SV2B: variants seen among roughly 807,000 people sequenced by gnomAD.
The protein encoded by SV2B is synaptic vesicle glycoprotein 2B, also known as solute carrier family 22 member B2.
SV2B carries 41 observed loss-of-function variants against 73.9 expected under a neutral mutation model. That is an observed-to-expected ratio of 0.56 (90% CI 0.43 to 0.72). The LOEUF is 0.72. Ranked by LOEUF, SV2B falls within the 30% of genes least tolerant of loss-of-function variation. SV2B has a pLI of 0.00. For synonymous variants in SV2B, 314 were observed against 314.2 expected (o/e 1.00, Z 0.01); for missense variants, 764 against 857.8 (o/e 0.89, Z 1.37).
intron 1 of SV2B, among the ~76,000 whole-genome samples, chr15:91,150,719 T>C (rs2043289460): frequency 6.6e-6 from 1 of 152,196 alleles, no homozygotes; most frequent in South Asian, 2.1e-4. Flanking sequence ...GTCCTGGGAA[T>C]TTAGTTCTGA....
At position 91,252,022 on chromosome 15, in the gene SV2B, C is replaced by G. The variant is rs1449281627; in HGVS notation, c.632+23C>G. 4.3e-6 allele frequency: 7 copies of G among 1,611,912 alleles called. No homozygotes were observed. In the East Asian group the frequency reaches 1.1e-4, roughly 26 times the overall value. Reference sequence around the variant, plus strand: ...CGGGTATGTTCTTAGGGAGGTGGAGCTGGACCATCCCAGACCAATGGCCCA... The same window carrying G: ...CGGGTATGTTCTTAGGGAGGTGGAGGTGGACCATCCCAGACCAATGGCCCA... On this transcript the variant is annotated intron_variant, in intron 3 of 12. Coordinates refer to ENST00000394232, the MANE Select transcript of SV2B (RefSeq NM_001323032.3). The surrounding 1 kb of genome is among the most constrained non-coding windows in gnomAD (Gnocchi z 4.6).
At position 91,231,645 on chromosome 15, in the gene SV2B, A is replaced by G. The variant is rs1321169719; in HGVS notation, c.451+4931A>G. 3.9e-5 allele frequency among the ~76,000 whole-genome samples: 6 copies of G among 152,310 alleles called. No homozygotes were observed. The East Asian group carries it at 1.2e-3, about 29-fold the overall frequency. On this transcript the variant is annotated intron_variant, in intron 2 of 12. Transcript: ENST00000394232. The surrounding 1 kb of genome is among the most constrained non-coding windows in gnomAD (Gnocchi z 4.5). ...CACCAATTTTTCACAACTGCAAATA[A>G]GCACCTCAACCTGGAACTGTGGGCT...
At chr15:91,244,398 C>A (rs1189616979) in intron 2 of SV2B, among the ~76,000 whole-genome samples, 1 of 152,204 alleles carries the variant, frequency 6.6e-6, no homozygotes, top group Non-Finnish European at 1.5e-5. Context: ...TCTGAAGATT[C>A]CTTCACTTGA....
intron 1 of SV2B, among the ~76,000 whole-genome samples, chr15:91,150,091 C>G (rs1216943730): frequency 6.6e-6 from 1 of 152,160 alleles, no homozygotes; most frequent in African/African-American, 2.4e-5. Context: ...GCAACCTCCA[C>G]CTTCCAGGTT....
chr15:91,100,217 C>A (rs1342893039), upstream of SV2B: 4 of 152,028 alleles, frequency 2.6e-5, no homozygotes, highest in Non-Finnish European at 4.4e-5. This position sits in a 1 kb window ranked among gnomAD's most constrained non-coding sequence, Gnocchi z 6.4. Context: ...GCGGCGTGGG[C>A]GCGGTGATGC....
At chr15:91,158,633 C>CCTTTTCCCTTCCCTTCTCTT (rs767357230) in intron 1 of SV2B, among the ~76,000 whole-genome samples, 2 of 54,408 alleles carry the variant, frequency 3.7e-5, no homozygotes, top group African/African-American at 6.9e-5. Flanking sequence ...TTTTATTTTC[C>CCTTTTCCCTTCCCTTCTCTT]CTCTTCTCTT....
chr15:91,245,030 A>G lies in SV2B; in HGVS notation c.452-6789A>G, dbSNP rs1416633308. Among the ~76,000 whole-genome samples, 1 of 152,264 alleles carries G rather than the reference A, an allele frequency of 6.6e-6. No individual in the cohort carries two copies. Among genetic ancestry groups the G allele is most frequent in the Non-Finnish European group, 1.5e-5 (1 of 68,046 alleles). Reference sequence around the variant, plus strand: ...ATTTGTCTTTGGTTAATTGCTAAATAAAGAAGCTCACCCAGTCAGGGCCTC... The same window carrying G: ...ATTTGTCTTTGGTTAATTGCTAAATGAAGAAGCTCACCCAGTCAGGGCCTC... On this transcript the variant is annotated intron_variant, in intron 2 of 12. Transcript: ENST00000394232. The surrounding 1 kb of genome is among the most constrained non-coding windows in gnomAD (Gnocchi z 4.2).
At chr15:91,158,726 CTCT>C (rs2043602183) in intron 1 of SV2B, among the ~76,000 whole-genome samples, 1 of 102,964 alleles carries the variant, frequency 9.7e-6, no homozygotes, top group Admixed American at 1.0e-4. Flanking sequence ...CTCCTCTCCT[CTCT>C]TCTCCTCTTT....
chr15:91,193,988 T>C (rs2141361481), intron 1 of SV2B, among the ~76,000 whole-genome samples: 1 of 151,792 alleles, frequency 6.6e-6, no homozygotes, highest in Non-Finnish European at 1.5e-5. Flanking sequence ...ATCACCAGGG[T>C]ATAGAGGTTT....
chr15:91,131,514 G>A (rs1163562858), intron 1 of SV2B, among the ~76,000 whole-genome samples: 2 of 152,034 alleles, frequency 1.3e-5, no homozygotes, highest in Admixed American at 6.5e-5. Flanking sequence ...AAAAGAAAGT[G>A]GGTTTGCACA....
rs904144747 is a variant in SV2B at position 91,141,627 on chromosome 15, G to A, written c.-392+41264G>A. Among the ~76,000 whole-genome samples, 15 of 152,096 alleles carry A rather than the reference G, an allele frequency of 9.9e-5. No homozygotes were observed. The highest frequency in any genetic ancestry group is 3.6e-4 in the African/African-American group (15 of 41,392). On this transcript the variant is annotated intron_variant, in intron 1 of 12. Coordinates refer to ENST00000394232, the MANE Select transcript of SV2B (RefSeq NM_001323032.3). The surrounding 1 kb of genome is among the most constrained non-coding windows in gnomAD (Gnocchi z 4.6). ...GTGAAGATTAAATGACAGAATATAA[G>A]TAAAATGCTTAGCCTATTGCCTGGC...
At chr15:91,205,506 C>T (rs1298180918) in intron 1 of SV2B, among the ~76,000 whole-genome samples, 1 of 151,910 alleles carries the variant, frequency 6.6e-6, no homozygotes, top group East Asian at 1.9e-4. Context: ...GCTGGGATTA[C>T]AGGTGTGCAC....
chr15:91,247,816 C>G (rs554732270), intron 2 of SV2B, among the ~76,000 whole-genome samples: 1 of 152,074 alleles, frequency 6.6e-6, no homozygotes, highest in Non-Finnish European at 1.5e-5. Context: ...CAAAACTGAC[C>G]GGGATTTGTG....
intron 1 of SV2B, among the ~76,000 whole-genome samples, chr15:91,190,801 T>A (rs1258030637): frequency 6.6e-6 from 1 of 152,158 alleles, no homozygotes; most frequent in Admixed American, 6.5e-5. Flanking sequence ...TTAGTCTTCT[T>A]TATGTTTTTT....
At chr15:91,247,144 T>C (rs1032168462) in intron 2 of SV2B, among the ~76,000 whole-genome samples, 3 of 152,160 alleles carry the variant, frequency 2.0e-5, no homozygotes, top group African/African-American at 4.8e-5. Context: ...TTCTCTCTGG[T>C]ACCTCCATGA....
chr15:91,153,206 A>AC (rs1307454975), intron 1 of SV2B, among the ~76,000 whole-genome samples: 1 of 151,914 alleles, frequency 6.6e-6, no homozygotes, highest in Non-Finnish European at 1.5e-5. Flanking sequence ...TACTTACTTC[A>AC]CCTCCACCTC....
intron 1 of SV2B, among the ~76,000 whole-genome samples, chr15:91,219,846 A>G (rs1402950371): frequency 6.6e-6 from 1 of 152,326 alleles, no homozygotes; most frequent in East Asian, 1.9e-4. Context: ...ATGGATTTGC[A>G]TATTCTGGAT....
At chr15:91,161,348 G>T (rs905348894) in intron 1 of SV2B, among the ~76,000 whole-genome samples, 10 of 152,076 alleles carry the variant, frequency 6.6e-5, no homozygotes, top group Non-Finnish European at 1.5e-4. Context: ...AAAAGGAAAA[G>T]TATACAATAA....
chr15:91,158,684 CTCTTCTCTTCTCTT>C (rs2043586723), intron 1 of SV2B, among the ~76,000 whole-genome samples: 5 of 80,846 alleles, frequency 6.2e-5, no homozygotes, highest in Admixed American at 2.7e-4. Flanking sequence ...CTCTTCTCTT[CTCTTCTCTTCTCTT>C]CTCTCCTCTC....
Sources: allele counts gnomAD v4.1 joint callset (sites outside exome capture counted in the v4.1 genomes callset), GRCh38; gene constraint gnomAD v4.1.1; non-coding constraint Gnocchi (gnomAD v3.1); transcripts MANE v1.5; gene names NCBI Gene and HGNC (gene_info 2026-07-23, HGNC 2026-07-21).